Variants in ADGRL2 observed in about 807,000 individuals in gnomAD.
ADGRL2 encodes the protein calcium-independent alpha-latrotoxin receptor 2.
In ADGRL2, 44 loss-of-function variants were observed where a neutral mutation model predicts 157.4. That is an observed-to-expected ratio of 0.28 (90% CI 0.22 to 0.36). The LOEUF is 0.36. Among genes scored for constraint, ADGRL2 ranks in the 10% least tolerant of loss-of-function variants. ADGRL2 has a pLI of 1.00. For missense variants in ADGRL2, 1,510 were observed against 1,768.9 expected (o/e 0.85, Z 2.63); for synonymous variants, 585 against 624.7 (o/e 0.94, Z 0.95).
At position 81,531,761 on chromosome 1, in the gene ADGRL2, TAG is replaced by T. The variant is rs1386438243; in HGVS notation, c.-247-49113_-247-49112del. On this transcript the variant is annotated intron_variant, in intron 2 of 24. Transcript: ENST00000370721. ...TTCAGGTTAGGGCTAGGATCGTGTC[TAG>T]AATGAAGGGCCTATATTAGTTATTG... 2.0e-5 allele frequency among the ~76,000 whole-genome samples: 3 copies of T among 152,308 alleles called. No individual in the cohort carries two copies. In the East Asian group the frequency reaches 5.8e-4, roughly 29 times the overall value.
At chr1:81,350,326 G>A (rs909716626) in intron 1 of ADGRL2, among the ~76,000 whole-genome samples, 11 of 152,156 alleles carry the variant, frequency 7.2e-5, no homozygotes. Flanking sequence ...TTACTGTTGT[G>A]AGAAATCTGC....
chr1:81,969,098 G>T, intron 14 of ADGRL2, 80 bp from the exon 15 acceptor site: 2 of 980,184 alleles, frequency 2.0e-6, no homozygotes. Context: ...TAAAAGATGA[G>T]CTGTACATGT....
chr1:81,683,687 G>T (rs2083167515), intron 3 of ADGRL2, among the ~76,000 whole-genome samples: 1 of 151,552 alleles, frequency 6.6e-6, no homozygotes, highest in African/African-American at 2.4e-5. Flanking sequence ...ATGTACGTAT[G>T]TATATATATA....
chr1:81,766,127 A>G (rs897035122), intron 2 of ADGRL2, among the ~76,000 whole-genome samples: 1 of 152,152 alleles, frequency 6.6e-6, no homozygotes, highest in Non-Finnish European at 1.5e-5. Context: ...AAAACAATTG[A>G]TGAGCTTTTT....
chr1:81,805,617 G>GT (rs532295940), intron 1 of ADGRL2, among the ~76,000 whole-genome samples: 271 of 147,138 alleles, frequency 1.8e-3, no homozygotes, highest in Non-Finnish European at 2.2e-3. Flanking sequence ...TACAATTAGG[G>GT]TTTTTTTTTC....
intron 1 of ADGRL2, among the ~76,000 whole-genome samples, chr1:81,383,319 A>C (rs2076374689): frequency 1.3e-5 from 2 of 152,186 alleles, no homozygotes; most frequent in Non-Finnish European, 2.9e-5. Flanking sequence ...AATTTGCTTT[A>C]AATTAGCACT....
chr1:81,784,724 T>A (rs1469879318), intron 2 of ADGRL2, among the ~76,000 whole-genome samples: 15 of 78,390 alleles, frequency 1.9e-4, no homozygotes, highest in Non-Finnish European at 2.9e-4. Context: ...TGAGACCCCG[T>A]CTCAAAAAAA....
chr1:81,679,082 C>A (rs564477052), intron 3 of ADGRL2, among the ~76,000 whole-genome samples: 1 of 152,232 alleles, frequency 6.6e-6, no homozygotes, highest in Non-Finnish European at 1.5e-5. Context: ...GACAGATGCA[C>A]AGGAAAGTAG....
intron 1 of ADGRL2, among the ~76,000 whole-genome samples, chr1:81,745,554 C>A (rs185663778): frequency 6.6e-6 from 1 of 152,052 alleles, no homozygotes; most frequent in African/African-American, 2.4e-5. Flanking sequence ...GAAAACAGAG[C>A]CCAGCTGTTA....
chr1:81,393,170 G>A (rs2076590442), intron 1 of ADGRL2, among the ~76,000 whole-genome samples: 1 of 152,066 alleles, frequency 6.6e-6, no homozygotes, highest in Non-Finnish European at 1.5e-5. Flanking sequence ...TCTCTCATTA[G>A]AGAGGAGATA....
intron 15 of ADGRL2, 130 bp from the exon 16 acceptor site, chr1:81,970,184 C>G: frequency 1.5e-6 from 1 of 680,408 alleles, no homozygotes; most frequent in Non-Finnish European, 2.6e-6. Context: ...TTTCAGGAAG[C>G]ATTAGTTTAC....
At chr1:81,653,743 A>G (rs769714612) in intron 3 of ADGRL2, among the ~76,000 whole-genome samples, 43 of 152,130 alleles carry the variant, frequency 2.8e-4, no homozygotes, top group Non-Finnish European at 5.3e-4. Flanking sequence ...ATATTTAATC[A>G]ATAGGGATGT....
At chr1:81,518,179 G>A (rs114007298) in intron 2 of ADGRL2, among the ~76,000 whole-genome samples, 2,536 of 152,346 alleles carry the variant, frequency 0.017, 38 homozygotes, top group East Asian at 0.051. Flanking sequence ...AGGAAGGGCA[G>A]CGTGAAGCTG....
At chr1:81,449,939 A>T (rs946892131) in intron 2 of ADGRL2, among the ~76,000 whole-genome samples, 1 of 152,174 alleles carries the variant, frequency 6.6e-6, no homozygotes, top group African/African-American at 2.4e-5. Context: ...GCAAAGCTCA[A>T]TGAGTAACCC....
At chr1:81,596,247 C>T (rs2081230950) in intron 3 of ADGRL2, 1 of 579,706 alleles carries the variant, frequency 1.7e-6, no homozygotes, top group South Asian at 1.4e-5. Flanking sequence ...GTCAATGAGT[C>T]GCTTGTGGAT....
At chr1:81,705,357 G>A (rs2083699445) in intron 1 of ADGRL2, among the ~76,000 whole-genome samples, 2 of 152,088 alleles carry the variant, frequency 1.3e-5, no homozygotes, top group South Asian at 4.1e-4. Context: ...TGGCAGCAAT[G>A]TATAATGTTG....
intron 2 of ADGRL2, among the ~76,000 whole-genome samples, chr1:81,503,743 G>A (rs1375742466): frequency 6.6e-6 from 1 of 152,098 alleles, no homozygotes; most frequent in African/African-American, 2.4e-5. Context: ...CTTCCTCCAG[G>A]GTTCCCCAGC....
intron 2 of ADGRL2, among the ~76,000 whole-genome samples, chr1:81,563,496 C>A (rs2080490836): frequency 6.6e-6 from 1 of 152,076 alleles, no homozygotes; most frequent in Non-Finnish European, 1.5e-5. Flanking sequence ...GGGGAATAAA[C>A]AATGGACTTG....
intron 3 of ADGRL2, among the ~76,000 whole-genome samples, chr1:81,602,668 G>A (rs555962940): frequency 6.6e-6 from 1 of 152,066 alleles, no homozygotes; most frequent in African/African-American, 2.4e-5. Context: ...GTAGGCCAAG[G>A]TGGGCGGATC....
Sources: allele counts gnomAD v4.1 joint callset (sites outside exome capture counted in the v4.1 genomes callset), GRCh38; gene constraint gnomAD v4.1.1; transcripts MANE v1.5; gene names NCBI Gene and HGNC (gene_info 2026-07-23, HGNC 2026-07-21).